The following TFEB variants were observed in gnomAD, a reference collection of about 807,000 sequenced individuals.
TFEB encodes transcription factor EB.
TFEB carries 12 observed loss-of-function variants against 48.0 expected under a neutral mutation model. The ratio of observed to expected loss-of-function variants is 0.25; its 90% CI spans 0.16 to 0.40. The LOEUF is 0.40. Ranked by LOEUF, TFEB falls within the 10% of genes least tolerant of loss-of-function variation. The pLI is 1.00. For missense variants in TFEB, 509 were observed against 640.3 expected (o/e 0.79, Z 2.21); for synonymous variants, 244 against 261.4 (o/e 0.93, Z 0.64).
chr6:41,700,335 G>A (rs1237876854), intron 1 of TFEB, among the ~76,000 whole-genome samples: 4 of 151,994 alleles, frequency 2.6e-5, no homozygotes, highest in East Asian at 1.9e-4. Context: ...GCATGGTGGC[G>A]GGCGCCTGTA....
intron 1 of TFEB, among the ~76,000 whole-genome samples, chr6:41,732,148 A>G (rs1295097434): frequency 6.6e-6 from 1 of 152,206 alleles, no homozygotes; most frequent in Admixed American, 6.5e-5. Flanking sequence ...GGCCTCCCAA[A>G]GATCTGCTTA....
intron 1 of TFEB, among the ~76,000 whole-genome samples, chr6:41,692,887 T>A (rs1769386035): frequency 6.6e-6 from 1 of 152,130 alleles, no homozygotes; most frequent in Non-Finnish European, 1.5e-5. Flanking sequence ...ACTGAGAAAA[T>A]ATGGGCTTGA....
intron 1 of TFEB, chr6:41,732,861 G>T: frequency 1.0e-6 from 1 of 985,780 alleles, no homozygotes; most frequent in Non-Finnish European, 1.2e-6. Context: ...CATCTCCAGG[G>T]CAGCCCCAAG....
chr6:41,691,143 C>A lies in TFEB; in HGVS notation c.71G>T (p.Arg24Leu), dbSNP rs779275045. 6.3e-7 allele frequency: 1 copy of A among 1,588,462 alleles called. No individual in the cohort carries two copies. Among genetic ancestry groups the A allele is most frequent in the Non-Finnish European group, 8.6e-7 (1 of 1,165,744 alleles). Residue 24 changes from arginine to leucine, a missense_variant, in exon 2 of 9, where the codon CGC becomes CTC. Physicochemically the swap from Arg to Leu is moderately radical, Grantham distance 102. This residue lies in a region of TFEB where 251 missense variants were observed against 317.2 expected (regional missense o/e 0.79). Transcript: ENST00000373033. This position sits in a 1 kb window ranked among gnomAD's most constrained non-coding sequence, Gnocchi z 5.2. ...EQAQQEEQRE[R>L]MQQQAVMHYM... ...ATGCATGACAGCCTGTTGCTGCATG[C>A]GCTCCCGCTGCTCCTCCTGCTGCGC...
chr6:41,714,132 CAT>C (rs1770611323), intron 1 of TFEB, among the ~76,000 whole-genome samples: 2 of 118,802 alleles, frequency 1.7e-5, no homozygotes, highest in Non-Finnish European at 3.3e-5. Flanking sequence ...TGTGCGTGTG[CAT>C]GTGTGCGTGT....
In TFEB at chr6:41,723,318, A is replaced by G; in HGVS notation, c.-23+12032T>C. ...GTGCAGCCTGAGGGGCCTCATCCCTACCCACCCACCTCCCCAAAGACACCA... is the reference window on the plus strand; with the variant it reads ...GTGCAGCCTGAGGGGCCTCATCCCTGCCCACCCACCTCCCCAAAGACACCA... On this transcript the variant is annotated intron_variant, in intron 1 of 8. Coordinates refer to ENST00000373033, the MANE Select transcript of TFEB (RefSeq NM_001271944.2). The surrounding 1 kb of genome is among the most constrained non-coding windows in gnomAD (Gnocchi z 6.0). The G allele has an allele frequency of 1.9e-5, 8 of 412,958 alleles. No individual in the cohort carries two copies. The highest frequency in any genetic ancestry group is 3.3e-5 in the Non-Finnish European group (7 of 212,176). The allele number at this position is 412,958 out of a possible 1,614,324, so 25.6% of individuals were successfully genotyped here.
At chr6:41,710,189 C>T (rs1770417328) in intron 1 of TFEB, among the ~76,000 whole-genome samples, 2 of 152,326 alleles carry the variant, frequency 1.3e-5, no homozygotes, top group South Asian at 4.1e-4. Flanking sequence ...GCCTTAGCCA[C>T]ATAACTGGGG....
intron 1 of TFEB, among the ~76,000 whole-genome samples, chr6:41,696,521 C>T (rs1769593092): frequency 6.6e-6 from 1 of 151,868 alleles, no homozygotes; most frequent in Admixed American, 6.6e-5. Context: ...GGTGAAACCC[C>T]ATCTCTATTA....
In TFEB at chr6:41,735,427, C is replaced by A. The variant is rs1249615934; in HGVS notation, c.-100G>T. The A allele has an allele frequency of 2.0e-6, 2 of 985,354 alleles. No homozygotes were observed. Among genetic ancestry groups the A allele is most frequent in the Non-Finnish European group, 2.4e-6 (2 of 830,288 alleles). 61.0% of individuals were successfully genotyped at this position (985,354 alleles called of 1,614,324 possible). On this transcript the variant is annotated 5_prime_UTR_variant, in exon 1 of 9. Coordinates refer to ENST00000373033, the MANE Select transcript of TFEB (RefSeq NM_001271944.2). ...TTGTCGCAAGTTCGGGTGCCTGGCC[C>A]GCAAGCTGTGCCCGCCACCTGCTCC...
chr6:41,688,078 G>A (rs777676853), intron 4 of TFEB, 50 bp from the exon 5 acceptor site: 2 of 1,575,726 alleles, frequency 1.3e-6, no homozygotes, highest in Admixed American at 1.7e-5. Flanking sequence ...CTCTCCACGG[G>A]GAGCCCCCTC....
chr6:41,710,758 A>C (rs934706141), intron 1 of TFEB, among the ~76,000 whole-genome samples: 2 of 152,102 alleles, frequency 1.3e-5, no homozygotes, highest in Non-Finnish European at 2.9e-5. Context: ...CTCTCACGCC[A>C]ACCCAATCTG....
rs958777837 is a variant in TFEB, at chr6:41,684,883, G to A, written c.1147C>T (p.Leu383=). 2 of 1,568,222 alleles carry A rather than the reference G, an allele frequency of 1.3e-6. No homozygotes were observed. The highest frequency in any genetic ancestry group is 1.8e-5 in the Admixed American group (1 of 54,964). ...PALPPQAPLP[L]PTQPPSPFHH... is the part of the protein sequence containing the mutation. ...AATGGGGATGGTGGCTGGGTGGGCA[G>A]GGGCAGCGGGGCTTGCGGGGGCAGA... Residue 383 remains leucine (L), a synonymous_variant, in exon 9 of 9, where the codon CTG becomes TTG. Transcript: ENST00000373033.
chr6:41,691,052 A>G lies in TFEB; in HGVS notation c.162T>C (p.Asn54=). ...GTGGCGACTGGAAGTGGACGGGGGT[A>G]TTGATGGCCGGGGTGGGCGGCCCTC... ...QLGGPPTPAI[N]TPVHFQSPPP... is the part of the protein sequence containing the mutation. Residue 54 remains asparagine (N), a synonymous_variant, in exon 2 of 9, where the codon AAT becomes AAC. Transcript: ENST00000373033. This position sits in a 1 kb window ranked among gnomAD's most constrained non-coding sequence, Gnocchi z 5.2. 1 of 1,573,126 alleles carries G rather than the reference A, an allele frequency of 6.4e-7. No individual in the cohort carries two copies. The highest frequency in any genetic ancestry group is 2.3e-5 in the East Asian group (1 of 42,680).
chr6:41,718,612 C>T (rs1343346405), intron 1 of TFEB, among the ~76,000 whole-genome samples: 1 of 152,058 alleles, frequency 6.6e-6, no homozygotes, highest in Non-Finnish European at 1.5e-5. Flanking sequence ...AAAACTTATG[C>T]CCCCTGTTTG....
chr6:41,717,682 G>C (rs1195819701), intron 1 of TFEB, among the ~76,000 whole-genome samples: 1 of 152,172 alleles, frequency 6.6e-6, no homozygotes, highest in Non-Finnish European at 1.5e-5. Context: ...GAGCAAGCAG[G>C]AGGGGGCCAG....
Position 41,724,225 on chromosome 6 carries a change from C to A in TFEB, c.-23+11125G>T, listed in dbSNP as rs1311196820. On this transcript the variant is annotated intron_variant, in intron 1 of 8. Transcript: ENST00000373033. The surrounding 1 kb of genome is among the most constrained non-coding windows in gnomAD (Gnocchi z 4.4). Reference sequence around the variant, plus strand: ...CTTTTTTAGCAGCCTGCCAAAGAGACTGGGCAGAGATTTCACTTAGTGCTT... The same window carrying A: ...CTTTTTTAGCAGCCTGCCAAAGAGAATGGGCAGAGATTTCACTTAGTGCTT... Among the ~76,000 whole-genome samples the A allele has an allele frequency of 6.6e-6, 1 of 152,232 alleles. No homozygotes were observed. The highest frequency in any genetic ancestry group is 1.5e-5 in the Non-Finnish European group (1 of 68,040).
intron 1 of TFEB, among the ~76,000 whole-genome samples, chr6:41,722,177 A>T (rs921455885): frequency 6.6e-6 from 1 of 152,116 alleles, no homozygotes; most frequent in African/African-American, 2.4e-5. Context: ...ACGGGGTTTC[A>T]CCATGTTGGC....
chr6:41,692,642 G>A (rs1398818849), intron 1 of TFEB, among the ~76,000 whole-genome samples: 8 of 152,218 alleles, frequency 5.3e-5, no homozygotes, highest in Admixed American at 5.2e-4. Context: ...CTAGGTAAGT[G>A]ACCCTGGGTA....
chr6:41,685,121 C>G, intron 8 of TFEB, 43 bp from the exon 9 acceptor site: 2 of 1,389,404 alleles, frequency 1.4e-6, no homozygotes, highest in South Asian at 3.5e-5. Flanking sequence ...CACCTATGGG[C>G]ACCAGCCACC....
Sources: gnomAD v4.1 joint callset for allele counts (sites outside exome capture counted in the v4.1 genomes callset) on GRCh38, gnomAD v4.1.1 for gene constraint, gnomAD v4.1.1 regional missense constraint, Gnocchi (gnomAD v3.1) non-coding constraint, MANE v1.5 for transcripts, NCBI Gene and HGNC (gene_info 2026-07-23, HGNC 2026-07-21) for gene names.